The following SLC6A15 variants were observed in gnomAD, a reference collection of about 807,000 sequenced individuals.
The protein encoded by SLC6A15 is solute carrier family 6 member 15.
Under a neutral mutation model 68.5 loss-of-function variants are expected in SLC6A15, and 33 were observed. That is an observed-to-expected ratio of 0.48 (90% confidence interval 0.37 to 0.64). The LOEUF is 0.64. SLC6A15 is among the 30% of genes least tolerant of loss of function. The pLI, the probability that SLC6A15 is intolerant of heterozygous loss-of-function variation, is 0.00. For synonymous variants in SLC6A15, 347 were observed against 301.0 expected, an observed-to-expected ratio of 1.15 and a Z score of -1.58; for missense variants, 747 against 874.3, an observed-to-expected ratio of 0.85 and a Z score of 1.84.
chr12:84,877,327 C>T (rs1026264505), intron 5 of SLC6A15, among the ~76,000 whole-genome samples: 2 of 152,182 alleles, frequency 1.3e-5, no homozygotes, highest in African/African-American at 2.4e-5. Context: ...TTAGTAAAGC[C>T]AAACATCTAG....
chr12:84,884,460 C>G (rs533971442), intron 4 of SLC6A15, among the ~76,000 whole-genome samples: 1 of 152,060 alleles, frequency 6.6e-6, no homozygotes, highest in African/African-American at 2.4e-5. Flanking sequence ...CACCCGCCAC[C>G]AAACCGAGCT....
rs1276287451 is a variant in SLC6A15 at position 84,875,685 on chromosome 12, TATATATATATATATGAG to T, written c.867+795_867+811del. Reference sequence around the variant, plus strand: ...ATATATATATATATATATATATATATATATATATATATATGAGAATCAAAAACGTGGTCCCTGTTAAA... The same window carrying T: ...ATATATATATATATATATATATATATAATCAAAAACGTGGTCCCTGTTAAA... On this transcript the variant is annotated intron_variant, in intron 6 of 11. Coordinates refer to ENST00000266682, the MANE Select transcript of SLC6A15 (RefSeq NM_182767.6). Among the ~76,000 whole-genome samples, 6 of 2,450 alleles carry T rather than the reference TATATATATATATATGAG, an allele frequency of 2.4e-3. 1 individual carries two copies. The highest frequency in any genetic ancestry group is 3.7e-3 in the Non-Finnish European group (2 of 542). 1.6% of individuals were successfully genotyped at this position (2,450 alleles called of 152,430 possible).
At chr12:84,863,699 G>A in intron 10 of SLC6A15, 98 bp from the exon 11 acceptor site, 2 of 822,786 alleles carry the variant, frequency 2.4e-6, no homozygotes, top group Non-Finnish European at 3.5e-6. Flanking sequence ...ATTTACCATT[G>A]ATACCCTATG....
At chr12:84,882,688 C>T (rs138424666) in intron 5 of SLC6A15, 31 of 173,528 alleles carry the variant, frequency 1.8e-4, no homozygotes, top group African/African-American at 6.7e-4. Context: ...TTAATAGCCA[C>T]GAAACTTTGG....
rs1413619380 is a variant in SLC6A15 at position 84,883,903 on chromosome 12, T to C, written c.712A>G (p.Met238Val). The C allele has an allele frequency of 1.2e-6, 2 of 1,613,998 alleles. No homozygotes were observed. Among genetic ancestry groups the C allele is most frequent in the East Asian group, 2.2e-5 (1 of 44,878 alleles). Residue 238 changes from methionine to valine, a missense_variant, in exon 5 of 12, where the codon ATG (methionine) becomes GTG (valine). Coordinates refer to ENST00000266682, the MANE Select transcript of SLC6A15 (RefSeq NM_182767.6). ...CCTTTGATCATAGCCAAGCAAACCA[T>C]GACCCAGGCAGCCAACAAGCAGATG... is the stretch of plus-strand genomic sequence containing the variant. ...MTICLLAAWV[M>V]VCLAMIKGIQ... is the part of the protein sequence containing the mutation.
chr12:84,894,023 C>T (rs1012039691), intron 1 of SLC6A15, among the ~76,000 whole-genome samples: 3 of 152,020 alleles, frequency 2.0e-5, no homozygotes, highest in Non-Finnish European at 4.4e-5. Context: ...GGCCGAGAAG[C>T]GATCACAGTG....
chr12:84,863,059 G>C (rs754393485), intron 11 of SLC6A15, among the ~76,000 whole-genome samples: 2 of 152,058 alleles, frequency 1.3e-5, no homozygotes, highest in Non-Finnish European at 2.9e-5. Flanking sequence ...CAAAAGTGTT[G>C]GGATTATAGG....
intron 5 of SLC6A15, chr12:84,881,325 T>C (rs570485939): frequency 7.4e-6 from 3 of 407,608 alleles, no homozygotes; most frequent in East Asian, 1.6e-4. Context: ...TTTGAAGGCT[T>C]ACCACCATCA....
chr12:84,910,696 A>G (rs1873394843), intron 1 of SLC6A15, among the ~76,000 whole-genome samples: 1 of 152,162 alleles, frequency 6.6e-6, no homozygotes, highest in Admixed American at 6.5e-5. Context: ...GAACACCCTG[A>G]ACAACAGAAC....
intron 9 of SLC6A15, chr12:84,867,683 G>T (rs184504075): frequency 3.3e-5 from 5 of 152,056 alleles, no homozygotes; most frequent in Admixed American, 2.6e-4. Flanking sequence ...ATTGAAATAT[G>T]GTTACTTTTC....
rs966134251 is a variant in SLC6A15, at chr12:84,860,100, G to A, written c.*1532C>T. 4 of 152,028 alleles carry A rather than the reference G, an allele frequency of 2.6e-5. No individual in the cohort carries two copies. The highest frequency in any genetic ancestry group is 9.7e-5 in the African/African-American group (4 of 41,442). 9.4% of individuals were successfully genotyped at this position (152,028 alleles called of 1,614,324 possible). A position where few individuals can be genotyped will look rare whatever the true frequency, so the allele number is the denominator to read the frequency against. On this transcript the variant is annotated 3_prime_UTR_variant, in exon 12 of 12. Coordinates refer to ENST00000266682, the MANE Select transcript of SLC6A15 (RefSeq NM_182767.6). ...TAAAAGACTAAAAATTTATGCACCA[G>A]TGGATTTAATACTTTAAATGCTGTG... is the stretch of plus-strand genomic sequence containing the variant.
intron 9 of SLC6A15, chr12:84,867,485 A>C (rs972862515): frequency 2.1e-5 from 4 of 187,790 alleles, no homozygotes; most frequent in Non-Finnish European, 4.4e-5. Flanking sequence ...AGAAAAATTT[A>C]AAAGTATAAA....
chr12:84,873,688 G>A (rs984929624), intron 6 of SLC6A15, among the ~76,000 whole-genome samples: 3 of 151,992 alleles, frequency 2.0e-5, no homozygotes, highest in African/African-American at 7.2e-5. Context: ...TAGCAAAACA[G>A]GTCAATTACC....
At chr12:84,899,337 C>T (rs918373582) in intron 1 of SLC6A15, among the ~76,000 whole-genome samples, 3 of 152,114 alleles carry the variant, frequency 2.0e-5, no homozygotes, top group African/African-American at 7.2e-5. Flanking sequence ...AAAAATACTG[C>T]CACTATCTTT....
chr12:84,898,145 G>C (rs1427528513), intron 1 of SLC6A15, among the ~76,000 whole-genome samples: 1 of 152,142 alleles, frequency 6.6e-6, no homozygotes, highest in African/African-American at 2.4e-5. Flanking sequence ...TTCAAGACCA[G>C]CCTGGCCAAC....
chr12:84,897,998 A>C (rs1872699404), intron 1 of SLC6A15, among the ~76,000 whole-genome samples: 1 of 152,188 alleles, frequency 6.6e-6, no homozygotes, highest in African/African-American at 2.4e-5. Context: ...AAAAGAAATA[A>C]AAGTGTGAAA....
rs1346318625 is a variant in SLC6A15 at position 84,873,244 on chromosome 12, T to A, written c.952A>T (p.Ile318Phe). The A allele has an allele frequency of 6.2e-7, 1 of 1,614,076 alleles. No homozygotes were observed. The highest frequency in any genetic ancestry group is 1.7e-5 in the Admixed American group (1 of 60,018). ...FALGLGFGGV[I>F]AFSSYNKRDN... The stretch of plus-strand genomic sequence containing the variant: ...CTCTTGTTGTAGCTTGAAAAGGCAA[T>A]GACACCACCAAATCCCAGACCTAAG... Residue 318 changes from isoleucine (I) to phenylalanine (F), a missense_variant, in exon 7 of 12, where the codon ATT (isoleucine) becomes TTT (phenylalanine). By Grantham distance (21) the Ile-to-Phe change is conservative. Transcript: ENST00000266682.
At chr12:84,864,111 C>T (rs1219707851) in intron 10 of SLC6A15, among the ~76,000 whole-genome samples, 1 of 150,880 alleles carries the variant, frequency 6.6e-6, no homozygotes, top group African/African-American at 2.4e-5. Flanking sequence ...AATAATTTTA[C>T]TATTACTTTA....
chr12:84,911,013 A>G (rs1873421215), intron 1 of SLC6A15, among the ~76,000 whole-genome samples: 1 of 151,964 alleles, frequency 6.6e-6, no homozygotes, highest in Non-Finnish European at 1.5e-5. Context: ...TTAGTCCATC[A>G]TTAAGTATTT....
Sources: gnomAD v4.1 joint callset for allele counts (sites outside exome capture counted in the v4.1 genomes callset) on GRCh38, gnomAD v4.1.1 for gene constraint, MANE v1.5 for transcripts, NCBI Gene and HGNC (gene_info 2026-07-23, HGNC 2026-07-21) for gene names.